The following MTTP variants were observed in gnomAD, a reference collection of about 807,000 sequenced individuals.
MTTP encodes the protein microsomal triglyceride transfer protein.
In MTTP, 49 loss-of-function variants were observed where a neutral mutation model predicts 90.6. The observed-to-expected ratio is 0.54, with a 90% CI of 0.43 to 0.69. MTTP has a LOEUF of 0.69. Among genes scored for constraint, MTTP ranks in the 30% least tolerant of loss-of-function variants. MTTP has a pLI of 0.00. For missense variants in MTTP, 945 were observed against 1,067.5 expected (o/e 0.89, Z 1.60); for synonymous variants, 347 against 384.2 (o/e 0.90, Z 1.13).
upstream of MTTP, chr4:99,570,686 C>A: frequency 2.2e-6 from 1 of 455,648 alleles, no homozygotes; most frequent in Non-Finnish European, 4.4e-6. Context: ...AAAAGATTAT[C>A]CTGGATTATT....
At chr4:99,588,007 T>C (rs1468423422) in intron 3 of MTTP, among the ~76,000 whole-genome samples, 2 of 152,132 alleles carry the variant, frequency 1.3e-5, no homozygotes. Context: ...TTCCAACATT[T>C]ATAGGTTAGT....
intron 7 of MTTP, 115 bp downstream of exon 7, chr4:99,594,998 C>A: frequency 7.9e-7 from 1 of 1,268,690 alleles, no homozygotes; most frequent in Non-Finnish European, 1.1e-6. Flanking sequence ...TACCAGCTAC[C>A]ACAGAGTTGT....
chr4:99,618,007 A>T (rs763023507), intron 15 of MTTP, among the ~76,000 whole-genome samples: 4 of 151,954 alleles, frequency 2.6e-5, no homozygotes, highest in Non-Finnish European at 4.4e-5. Context: ...TTCCTCATCA[A>T]ATTCAACCAA....
upstream of MTTP, chr4:99,574,628 T>C: frequency 1.7e-6 from 1 of 584,702 alleles, no homozygotes; most frequent in Non-Finnish European, 3.0e-6. Flanking sequence ...TTGGTTTAGC[T>C]CTCAAAAGTG....
At chr4:99,604,652 C>T (rs1725771062) in intron 10 of MTTP, among the ~76,000 whole-genome samples, 1 of 152,058 alleles carries the variant, frequency 6.6e-6, no homozygotes, top group Admixed American at 6.6e-5. Flanking sequence ...TGCAACTAGT[C>T]TCTTACAATG....
intron 7 of MTTP, 73 bp from the exon 8 acceptor site, chr4:99,596,994 G>A (rs1725568809): frequency 6.3e-7 from 1 of 1,595,968 alleles, no homozygotes; most frequent in Non-Finnish European, 8.6e-7. Flanking sequence ...TTTATTCCTA[G>A]GAGAACACCC....
chr4:99,589,574 A>C (rs575464067), intron 3 of MTTP, 69 bp from the exon 4 acceptor site: 1 of 887,352 alleles, frequency 1.1e-6, no homozygotes, highest in Admixed American at 1.7e-5. Context: ...ACCTTGCCTG[A>C]CACTTATTTA....
Position 99,611,316 on chromosome 4 carries a change from T to C in MTTP, c.1868-16T>C. ...GCTGGAACTGCTATTAAATTACAGT[T>C]ATTGTGTGTCATCAGGTAGTCCCCG... On this transcript the variant is annotated splice_polypyrimidine_tract_variant and intron_variant, in intron 13 of 17. Coordinates refer to ENST00000265517, the MANE Select transcript of MTTP (RefSeq NM_001386140.1). The C allele has an allele frequency of 6.2e-7, 1 of 1,614,072 alleles. No individual in the cohort carries two copies. Among genetic ancestry groups the C allele is most frequent in the Non-Finnish European group, 8.5e-7 (1 of 1,179,948 alleles).
intron 10 of MTTP, among the ~76,000 whole-genome samples, chr4:99,601,926 T>C (rs573404621): frequency 1.1e-4 from 16 of 152,158 alleles, no homozygotes; most frequent in Non-Finnish European, 1.9e-4. Context: ...GTAAGTTCCA[T>C]GAAGAAATGG....
chr4:99,568,858 C>T (rs1027293309), intron 1 of MTTP, among the ~76,000 whole-genome samples: 5 of 152,008 alleles, frequency 3.3e-5, no homozygotes, highest in African/African-American at 1.2e-4. Flanking sequence ...AATTAAATAT[C>T]CACAAGTCCT....
intron 3 of MTTP, among the ~76,000 whole-genome samples, chr4:99,589,272 A>C (rs941792714): frequency 1.3e-5 from 2 of 151,156 alleles, no homozygotes; most frequent in African/African-American, 4.9e-5. Flanking sequence ...TTTAAACCTT[A>C]GTTATTTTTT....
chr4:99,613,957 T>G (rs1726027295), intron 15 of MTTP, among the ~76,000 whole-genome samples: 1 of 152,168 alleles, frequency 6.6e-6, no homozygotes, highest in Non-Finnish European at 1.5e-5. Context: ...TATTTTCTGC[T>G]TCACTAAGCA....
intron 1 of MTTP, among the ~76,000 whole-genome samples, chr4:99,577,617 A>G (rs1330503661): frequency 2.7e-5 from 4 of 147,592 alleles, no homozygotes; most frequent in Non-Finnish European, 6.1e-5. Flanking sequence ...AAAAAAAAAA[A>G]AAAAAGAAAG....
At chr4:99,573,394 T>TA (rs1330069859), upstream of MTTP, among the ~76,000 whole-genome samples, 2 of 152,118 alleles carry the variant, frequency 1.3e-5, no homozygotes, top group East Asian at 1.9e-4. Flanking sequence ...CATAAAAACT[T>TA]ATATTTCTTT....
rs770787120 is a variant in MTTP, at chr4:99,619,079, A to G, written c.2323A>G (p.Lys775Glu). The G allele has an allele frequency of 5.6e-6, 9 of 1,613,442 alleles. No individual in the cohort carries two copies. The highest frequency in any genetic ancestry group is 7.6e-6 in the Non-Finnish European group (9 of 1,179,550). The change falls in exon 16 of 18, where the codon AAA (lysine) becomes GAA (glutamate). Residue 775 changes from lysine to glutamate, a missense_variant. Lys to Glu is a moderately conservative substitution (Grantham distance 56). Transcript: ENST00000265517. ...MEFSLWYRES[K>E]TRVKNRVTVV... ...GTTTAGCTTGTGGTATCGTGAGTCTAAAACCCGAGTGAAAAATAGGTAAGT... is the reference window on the plus strand; with the variant it reads ...GTTTAGCTTGTGGTATCGTGAGTCTGAAACCCGAGTGAAAAATAGGTAAGT...
At chr4:99,564,177 G>GT (rs1317993644) in exon 1 of MTTP, 4 of 1,535,524 alleles carry the variant, frequency 2.6e-6, no homozygotes, top group Non-Finnish European at 3.5e-6. Context: ...AGTGATGTCT[G>GT]TTTTTTCCCG....
At chr4:99,589,538 C>G in intron 3 of MTTP, 105 bp from the exon 4 acceptor site, 1 of 728,796 alleles carries the variant, frequency 1.4e-6, no homozygotes, top group Non-Finnish European at 2.5e-6. Context: ...TCTCTTTCTC[C>G]CAGGATTAAT....
intron 1 of MTTP, among the ~76,000 whole-genome samples, chr4:99,565,102 A>G (rs909512438): frequency 3.9e-5 from 6 of 152,208 alleles, no homozygotes; most frequent in African/African-American, 1.4e-4. Context: ...TATGAGGGCA[A>G]AGAGTAGCTG....
At chr4:99,566,133 C>T (rs1724688732) in intron 1 of MTTP, among the ~76,000 whole-genome samples, 1 of 151,108 alleles carries the variant, frequency 6.6e-6, no homozygotes, top group African/African-American at 2.4e-5. Flanking sequence ...GCTGAAAATA[C>T]AAAAACTTAG....
Sources: allele counts gnomAD v4.1 joint callset (sites outside exome capture counted in the v4.1 genomes callset), GRCh38; gene constraint gnomAD v4.1.1; transcripts MANE v1.5; gene names NCBI Gene and HGNC (gene_info 2026-07-23, HGNC 2026-07-21).